MAGI2: variants seen among roughly 807,000 people sequenced by gnomAD.
The protein encoded by MAGI2 is membrane-associated guanylate kinase, WW and PDZ domain-containing protein 2.
Under a neutral mutation model 133.3 loss-of-function variants are expected in MAGI2, and 35 were observed. The ratio of observed to expected loss-of-function variants is 0.26; its 90% CI spans 0.20 to 0.35. The LOEUF (loss-of-function observed/expected upper bound fraction) is 0.35. Among genes scored for constraint, MAGI2 ranks in the 10% least tolerant of loss-of-function variants. MAGI2 has a pLI of 1.00. For synonymous variants in MAGI2, 729 were observed against 710.6 expected (o/e 1.03, Z -0.41); for missense variants, 1,636 against 1,863.4 (o/e 0.88, Z 2.25).
intron 2 of MAGI2, among the ~76,000 whole-genome samples, chr7:78,953,648 G>T (rs1159856346): frequency 2.0e-5 from 3 of 152,040 alleles, no homozygotes; most frequent in Admixed American, 6.6e-5. Flanking sequence ...TAACAACAAA[G>T]ATTTTCTCCT....
intron 2 of MAGI2, among the ~76,000 whole-genome samples, chr7:78,696,973 T>A (rs1304151466): frequency 7.9e-6 from 1 of 127,084 alleles, no homozygotes; most frequent in African/African-American, 2.8e-5. Flanking sequence ...TGACCCTTAT[T>A]TTGCTTTCAT....
At chr7:79,230,043 T>C (rs1192573403) in intron 1 of MAGI2, among the ~76,000 whole-genome samples, 1 of 149,070 alleles carries the variant, frequency 6.7e-6, no homozygotes, top group Admixed American at 6.7e-5. Context: ...ATATGCGGTG[T>C]TTGGTTTTTT....
At chr7:78,534,872 C>T (rs969170960) in intron 3 of MAGI2, among the ~76,000 whole-genome samples, 3 of 152,164 alleles carry the variant, frequency 2.0e-5, no homozygotes, top group Admixed American at 6.5e-5. Context: ...CAGTGGCTCA[C>T]GCCTATAATC....
intron 10 of MAGI2, among the ~76,000 whole-genome samples, chr7:78,250,864 G>A (rs1792313584): frequency 6.6e-6 from 1 of 151,858 alleles, no homozygotes; most frequent in Non-Finnish European, 1.5e-5. Context: ...TAGAGGAGAG[G>A]GAACACTTTC....
chr7:78,223,706 GA>G (rs1789066804), intron 10 of MAGI2, among the ~76,000 whole-genome samples: 1 of 151,968 alleles, frequency 6.6e-6, no homozygotes, highest in Admixed American at 6.6e-5. Flanking sequence ...CCTATTTTAT[GA>G]TTTATGGCCA....
chr7:78,421,004 G>GAT (rs1175386839), intron 6 of MAGI2, among the ~76,000 whole-genome samples: 1 of 152,156 alleles, frequency 6.6e-6, no homozygotes, highest in South Asian at 2.1e-4. Flanking sequence ...TGACAAATTG[G>GAT]ACATAAATAA....
At chr7:79,105,045 C>T (rs1818329236) in intron 1 of MAGI2, among the ~76,000 whole-genome samples, 1 of 152,144 alleles carries the variant, frequency 6.6e-6, no homozygotes, top group African/African-American at 2.4e-5. Flanking sequence ...AAATAAACAA[C>T]ATGTTTTGCT....
chr7:78,756,437 T>TC (rs1823956071), intron 2 of MAGI2, among the ~76,000 whole-genome samples: 1 of 152,118 alleles, frequency 6.6e-6, no homozygotes, highest in South Asian at 2.1e-4. Flanking sequence ...TATTTTTTTT[T>TC]CTCTCTGGAG....
intron 7 of MAGI2, among the ~76,000 whole-genome samples, chr7:78,358,023 T>G (rs918171527): frequency 6.6e-6 from 1 of 150,798 alleles, no homozygotes; most frequent in Non-Finnish European, 1.5e-5. Context: ...AAAAACAGGT[T>G]TCCTTTCAAA....
intron 2 of MAGI2, among the ~76,000 whole-genome samples, chr7:78,862,990 A>T (rs1288304394): frequency 6.6e-6 from 1 of 152,232 alleles, no homozygotes; most frequent in Non-Finnish European, 1.5e-5. Context: ...CAAACTGTAA[A>T]GTGTTTGCAG....
At chr7:79,314,254 A>G (rs1215523987) in intron 1 of MAGI2, among the ~76,000 whole-genome samples, 1 of 152,018 alleles carries the variant, frequency 6.6e-6, no homozygotes, top group East Asian at 1.9e-4. Flanking sequence ...GATTATGGGC[A>G]TGAGCCACCC....
intron 21 of MAGI2, among the ~76,000 whole-genome samples, chr7:78,042,080 T>C (rs978512095): frequency 6.6e-6 from 1 of 152,190 alleles, no homozygotes; most frequent in Non-Finnish European, 1.5e-5. Flanking sequence ...ACAGGAGACA[T>C]GAGACATGGG....
intron 6 of MAGI2, among the ~76,000 whole-genome samples, chr7:78,384,430 G>A (rs1010419933): frequency 6.6e-6 from 1 of 152,090 alleles, no homozygotes; most frequent in Non-Finnish European, 1.5e-5. Context: ...ACTAGGAGAA[G>A]TACATGTATA....
intron 1 of MAGI2, among the ~76,000 whole-genome samples, chr7:79,397,631 A>G (rs1845155376): frequency 6.6e-6 from 1 of 152,022 alleles, no homozygotes; most frequent in African/African-American, 2.4e-5. Flanking sequence ...ACATTTCTTG[A>G]TATTTGTTAG....
intron 2 of MAGI2, among the ~76,000 whole-genome samples, chr7:78,730,276 T>C (rs1821240332): frequency 6.6e-6 from 1 of 152,108 alleles, no homozygotes. Flanking sequence ...GATAAATACA[T>C]TTCTCTCTGT....
chr7:78,723,034 G>A (rs1003282502), intron 2 of MAGI2, among the ~76,000 whole-genome samples: 1 of 152,140 alleles, frequency 6.6e-6, no homozygotes, highest in African/African-American at 2.4e-5. Context: ...AAGTTGCTAA[G>A]AGAAAATGGT....
chr7:78,427,659 C>CAAAA (rs1166524882), intron 6 of MAGI2, among the ~76,000 whole-genome samples: 3 of 69,508 alleles, frequency 4.3e-5, no homozygotes, highest in African/African-American at 9.5e-5. Context: ...AACAAAAAGA[C>CAAAA]AAAAAAAAAA....
intron 2 of MAGI2, among the ~76,000 whole-genome samples, chr7:78,728,115 AC>A (rs1455850296): frequency 6.6e-6 from 1 of 152,156 alleles, no homozygotes; most frequent in Non-Finnish European, 1.5e-5. Flanking sequence ...ATCCACTCAA[AC>A]TTTTGTGTGT....
intron 9 of MAGI2, among the ~76,000 whole-genome samples, chr7:78,267,813 G>A (rs1359023043): frequency 1.3e-5 from 2 of 152,052 alleles, no homozygotes; most frequent in African/African-American, 4.8e-5. Flanking sequence ...GGGGTTTCAG[G>A]GAAATATAAA....
Sources: allele counts gnomAD v4.1 joint callset (sites outside exome capture counted in the v4.1 genomes callset), GRCh38; gene constraint gnomAD v4.1.1; transcripts MANE v1.5; gene names NCBI Gene and HGNC (gene_info 2026-07-23, HGNC 2026-07-21).